The following CNTN6 variants were observed in gnomAD, a reference collection of about 807,000 sequenced individuals.
The protein encoded by CNTN6 is contactin-6.
CNTN6 carries 137 observed loss-of-function variants against 122.8 expected under a neutral mutation model. The observed-to-expected ratio is 1.12, with a 90% confidence interval of 0.97 to 1.29. CNTN6 has a LOEUF of 1.29. Ranked by LOEUF, CNTN6 falls within the 50% of genes most tolerant of loss-of-function variation. The probability of loss-of-function intolerance (pLI) is 0.00; values close to 1 mark genes in which losing one functional copy is unlikely to be tolerated. For missense variants in CNTN6, 1,634 were observed against 1,223.4 expected (o/e 1.34, Z -5.01); for synonymous variants, 570 against 426.0 (o/e 1.34, Z -4.16).
chr3:1,357,827 TTTA>T (rs1375122500), intron 12 of CNTN6, among the ~76,000 whole-genome samples: 1 of 151,832 alleles, frequency 6.6e-6, no homozygotes, highest in Non-Finnish European at 1.5e-5. Flanking sequence ...GCATTTACAT[TTTA>T]TTATATGTAA....
chr3:1,255,853 T>G (rs889407395), intron 4 of CNTN6, among the ~76,000 whole-genome samples: 1 of 151,884 alleles, frequency 6.6e-6, no homozygotes, highest in African/African-American at 2.4e-5. Flanking sequence ...TTTTTTATTT[T>G]ATTTTATTTT....
At chr3:1,367,395 A>G (rs1309586928) in intron 12 of CNTN6, among the ~76,000 whole-genome samples, 1 of 151,960 alleles carries the variant, frequency 6.6e-6, no homozygotes, top group African/African-American at 2.4e-5. Context: ...TTAGCGTGAC[A>G]TCCAGAGCTG....
intron 1 of CNTN6, among the ~76,000 whole-genome samples, chr3:1,142,966 G>GTATATATATATATATATA (rs1408347529): frequency 2.1e-5 from 2 of 96,610 alleles, no homozygotes; most frequent in African/African-American, 8.5e-5. Context: ...GTGTGTGTGT[G>GTATATATATATATATATA]TGTATATATA....
chr3:1,316,288 C>T (rs1397834090), intron 7 of CNTN6, among the ~76,000 whole-genome samples: 1 of 151,892 alleles, frequency 6.6e-6, no homozygotes, highest in East Asian at 1.9e-4. Context: ...CACAGTTCTG[C>T]AGGCTGTACA....
Position 1,170,744 on chromosome 3 carries a change from A to G in CNTN6, c.55+22681A>G, listed in dbSNP as rs1053500403. 3.3e-5 allele frequency among the ~76,000 whole-genome samples: 5 copies of G among 152,304 alleles called. No individual in the cohort carries two copies. In the East Asian group the frequency reaches 9.7e-4, roughly 29 times the overall value. The stretch of plus-strand genomic sequence containing the variant: ...CTTCCCTTGTTTCTTCCTTATAAAC[A>G]CTGCTGGGTACTTAACTTTTAAAAA... On this transcript the variant is annotated intron_variant, in intron 2 of 22. Coordinates refer to ENST00000446702, the MANE Select transcript of CNTN6 (RefSeq NM_001289080.2).
At chr3:1,385,175 G>A (rs1478190521) in intron 19 of CNTN6, among the ~76,000 whole-genome samples, 1 of 151,636 alleles carries the variant, frequency 6.6e-6, no homozygotes, top group African/African-American at 2.4e-5. Context: ...CTAATGCAAA[G>A]GTAGGGTTCA....
chr3:1,176,454 T>C (rs934727993), intron 2 of CNTN6, among the ~76,000 whole-genome samples: 6 of 152,130 alleles, frequency 3.9e-5, no homozygotes, highest in Non-Finnish European at 7.4e-5. Context: ...TGATTCAACC[T>C]GGTTAGCCGA....
In CNTN6 at chr3:1,135,854, C is replaced by T. The variant is rs183565045; in HGVS notation, c.-82-12073C>T. 4.4e-3 allele frequency among the ~76,000 whole-genome samples: 672 copies of T among 152,048 alleles called. 4 individuals carry two copies. The highest frequency in any genetic ancestry group is 0.015 in the African/African-American group (632 of 41,486). On this transcript the variant is annotated intron_variant, in intron 1 of 22. Coordinates refer to ENST00000446702, the MANE Select transcript of CNTN6 (RefSeq NM_001289080.2). ...TAAAAATACAAAAATTAGCTGGGCA[C>T]GGTGGTGAGCGCCTGTAATCCCAGC...
intron 20 of CNTN6, among the ~76,000 whole-genome samples, chr3:1,386,565 T>C (rs552899829): frequency 9.2e-5 from 14 of 152,298 alleles, no homozygotes; most frequent in Non-Finnish European, 1.9e-4. Flanking sequence ...CAGCAATAAA[T>C]TGGGAAAGGT....
intron 11 of CNTN6, among the ~76,000 whole-genome samples, chr3:1,340,832 T>G (rs1236895193): frequency 2.0e-5 from 3 of 152,126 alleles, no homozygotes; most frequent in Admixed American, 2.0e-4. Flanking sequence ...AATCATCAGA[T>G]TACAGGGAGC....
chr3:1,370,476 G>A (rs1708856560), intron 12 of CNTN6, among the ~76,000 whole-genome samples: 1 of 152,084 alleles, frequency 6.6e-6, no homozygotes, highest in African/African-American at 2.4e-5. Context: ...GCAAATCTGT[G>A]AAGAAGCCTT....
chr3:1,148,716 A>G (rs1262887707), intron 2 of CNTN6, among the ~76,000 whole-genome samples: 1 of 152,188 alleles, frequency 6.6e-6, no homozygotes, highest in African/African-American at 2.4e-5. Context: ...ATAATCATGT[A>G]TTTAGTTGAC....
rs752100763 is a variant in CNTN6, at chr3:1,377,013, G to A, written c.2104G>A (p.Val702Met). The A allele has an allele frequency of 6.3e-7, 1 of 1,595,586 alleles. No homozygotes were observed. Among genetic ancestry groups the A allele is most frequent in the Non-Finnish European group, 8.5e-7 (1 of 1,169,934 alleles). The change falls in exon 17 of 23, where the codon GTG (valine) becomes ATG (methionine). Residue 702 changes from valine to methionine, a missense_variant. Transcript: ENST00000446702. ...LLRTKASVPV[V>M]APVNIHGGGG... ...CTCTTGGTTATTTTTAGTCCCTGTT[G>A]TGGCACCAGTAAACATCCATGGAGG...
chr3:1,218,617 T>A (rs1057116087), intron 2 of CNTN6, among the ~76,000 whole-genome samples: 1 of 152,048 alleles, frequency 6.6e-6, no homozygotes, highest in Non-Finnish European at 1.5e-5. Flanking sequence ...AGCAAATGCA[T>A]AAATATGTCA....
rs569896474 is a variant in CNTN6 at position 1,343,958 on chromosome 3, A to G, written c.1365-8366A>G. On this transcript the variant is annotated intron_variant, in intron 11 of 22. Transcript: ENST00000446702. The stretch of plus-strand genomic sequence containing the variant: ...GCTTTTACAGCATATTTGGAGAGCA[A>G]AAACTTATCTAAAAAGAAAATTAAA... 5.9e-5 allele frequency among the ~76,000 whole-genome samples: 9 copies of G among 152,296 alleles called. 2 individuals carry two copies. In the South Asian group the frequency reaches 1.9e-3, roughly 32 times the overall value.
At chr3:1,107,395 G>A (rs2091276450) in intron 1 of CNTN6, among the ~76,000 whole-genome samples, 1 of 152,084 alleles carries the variant, frequency 6.6e-6, no homozygotes, top group Non-Finnish European at 1.5e-5. Flanking sequence ...TGACATGACT[G>A]AATATTTATT....
At chr3:1,221,631 T>G (rs1423429072) in intron 3 of CNTN6, among the ~76,000 whole-genome samples, 1 of 152,190 alleles carries the variant, frequency 6.6e-6, no homozygotes, top group African/African-American at 2.4e-5. Context: ...AAGTTTTTGT[T>G]CTTATTTATC....
At chr3:1,110,622 A>T (rs1411937314) in intron 1 of CNTN6, among the ~76,000 whole-genome samples, 1 of 151,992 alleles carries the variant, frequency 6.6e-6, no homozygotes, top group African/African-American at 2.4e-5. Context: ...GTTTGCTAAG[A>T]TTTTCACTTA....
Position 1,303,388 on chromosome 3 carries a change from AC to A in CNTN6, c.761+5398del, listed in dbSNP as rs1697768898. The stretch of plus-strand genomic sequence containing the variant: ...AGATTAAAGGAACTTCAATAACTAA[AC>A]TTTTAGCGTGAGGTTTTATGTTTTT... On this transcript the variant is annotated intron_variant, in intron 7 of 22. Coordinates refer to ENST00000446702, the MANE Select transcript of CNTN6 (RefSeq NM_001289080.2). 3.3e-5 allele frequency among the ~76,000 whole-genome samples: 5 copies of A among 152,194 alleles called. No homozygotes were observed. The South Asian group carries it at 1.0e-3, about 32-fold the overall frequency.
Sources: allele counts gnomAD v4.1 joint callset (sites outside exome capture counted in the v4.1 genomes callset), GRCh38; gene constraint gnomAD v4.1.1; transcripts MANE v1.5; gene names NCBI Gene and HGNC (gene_info 2026-07-23, HGNC 2026-07-21).